The following MS4A14 variants were observed in gnomAD, a reference collection of about 807,000 sequenced individuals.
The protein encoded by MS4A14 is membrane spanning 4-domains A14.
A neutral mutation model predicts 16.7 loss-of-function variants in MS4A14; 18 were observed. That is an observed-to-expected ratio of 1.08 (90% confidence interval 0.75 to 1.60). The LOEUF (loss-of-function observed/expected upper bound fraction) is 1.60, where lower values mean the gene tolerates loss of function less well. MS4A14 is among the 40% of genes most tolerant of loss of function. The probability of loss-of-function intolerance (pLI) is 0.00; values close to 1 mark genes in which losing one functional copy is unlikely to be tolerated. For missense variants in MS4A14, 812 were observed against 775.3 expected (o/e 1.05, Z -0.56); for synonymous variants, 305 against 289.4 (o/e 1.05, Z -0.55).
At chr11:60,412,394 C>T (rs570575056) in intron 4 of MS4A14, among the ~76,000 whole-genome samples, 23 of 151,364 alleles carry the variant, frequency 1.5e-4, no homozygotes, top group Admixed American at 9.2e-4. Flanking sequence ...TTTTAGATTA[C>T]GAATCTTTTT....
intron 4 of MS4A14, among the ~76,000 whole-genome samples, chr11:60,410,737 G>A (rs1426012619): frequency 3.3e-5 from 5 of 152,156 alleles, no homozygotes; most frequent in African/African-American, 1.2e-4. Flanking sequence ...GTTGAAAATT[G>A]ATTTACTATA....
chr11:60,412,418 C>T (rs2085881462), intron 4 of MS4A14, among the ~76,000 whole-genome samples: 2 of 151,344 alleles, frequency 1.3e-5, no homozygotes, highest in Non-Finnish European at 3.0e-5. Context: ...TGTTATGGAT[C>T]TGTAAAGATT....
chr11:60,409,192 T>C (rs1379705957), intron 4 of MS4A14, among the ~76,000 whole-genome samples: 1 of 152,186 alleles, frequency 6.6e-6, no homozygotes, highest in Non-Finnish European at 1.5e-5. Flanking sequence ...AAATATACAC[T>C]ACGTTGTAAT....
intron 2 of MS4A14, among the ~76,000 whole-genome samples, chr11:60,400,004 T>C (rs951577353): frequency 2.6e-5 from 4 of 152,086 alleles, no homozygotes; most frequent in African/African-American, 9.7e-5. Flanking sequence ...ACACTAGATA[T>C]CAGTCCCCAT....
chr11:60,397,831 T>C lies in MS4A14; in HGVS notation c.139-21T>C, dbSNP rs1260105362. On this transcript the variant is annotated intron_variant, in intron 1 of 4. Coordinates refer to ENST00000300187, the MANE Select transcript of MS4A14 (RefSeq NM_032597.5). ...GGTCTTGGATACTTGTAACCTCATG[T>C]ACCCATTTCTCTCCTCACAGGCTAC... The C allele has an allele frequency of 2.5e-6, 4 of 1,610,278 alleles. 1 individual carries two copies. In the South Asian group the frequency reaches 3.3e-5, roughly 13 times the overall value.
At chr11:60,403,661 T>G (rs1363751135) in intron 4 of MS4A14, among the ~76,000 whole-genome samples, 1 of 152,218 alleles carries the variant, frequency 6.6e-6, no homozygotes, top group Non-Finnish European at 1.5e-5. Flanking sequence ...GTCTGTGCAA[T>G]TTAAAGTATT....
intron 4 of MS4A14, among the ~76,000 whole-genome samples, chr11:60,407,193 A>AT (rs1055137534): frequency 6.0e-5 from 9 of 150,578 alleles, no homozygotes; most frequent in South Asian, 2.1e-4. Context: ...TTTTTTTTGT[A>AT]TTTTTTTTGT....
chr11:60,415,743 C>T lies in MS4A14; in HGVS notation c.775C>T (p.Pro259Ser). The T allele has an allele frequency of 1.2e-6, 2 of 1,613,782 alleles. No individual in the cohort carries two copies. The highest frequency in any genetic ancestry group is 1.7e-6 in the Non-Finnish European group (2 of 1,179,838). The change falls in exon 5 of 5, where the codon CCC becomes TCC. Residue 259 changes from proline (P) to serine (S), a missense_variant. Transcript: ENST00000300187. ...TTTGCCTCCCACACTAGAGAAAAAG[C>T]CCTCAGAAAATATGTCCATTCAGCT... ...EPLPPTLEKK[P>S]SENMSIQLDS... is the part of the protein sequence containing the mutation.
rs1449495992 is a variant in MS4A14 at position 60,396,469 on chromosome 11, C to G, written c.-110C>G. The G allele has an allele frequency of 8.1e-7, 1 of 1,230,926 alleles. No homozygotes were observed. The highest frequency in any genetic ancestry group is 1.1e-6 in the Non-Finnish European group (1 of 889,662). The allele number at this position is 1,230,926 out of a possible 1,614,324, so 76.3% of individuals were successfully genotyped here. ...ATTCTACTACTGAGTAGAGTCATCA[C>G]TAAGGGCTCATCTCTGAGGGCTCCA... On this transcript the variant is annotated 5_prime_UTR_variant, in exon 1 of 5. Transcript: ENST00000300187.
chr11:60,411,483 T>C (rs1325111838), intron 4 of MS4A14, among the ~76,000 whole-genome samples: 3 of 152,214 alleles, frequency 2.0e-5, no homozygotes, highest in Non-Finnish European at 4.4e-5. Context: ...TTTCATCCCA[T>C]TGGTTAGATT....
intron 4 of MS4A14, chr11:60,403,273 C>A (rs1185968536): frequency 5.5e-6 from 3 of 541,954 alleles, no homozygotes; most frequent in Non-Finnish European, 9.9e-6. Context: ...GTCACCTTGG[C>A]CTAATATTGT....
chr11:60,406,351 C>A (rs1231912698), intron 4 of MS4A14, among the ~76,000 whole-genome samples: 3 of 151,970 alleles, frequency 2.0e-5, no homozygotes, highest in African/African-American at 7.3e-5. Flanking sequence ...TCCACCACCA[C>A]AAAAGAAATA....
chr11:60,415,560 C>T lies in MS4A14; in HGVS notation c.592C>T (p.Gln198Ter), dbSNP rs2085926131. ...FSSDDSTTNAQSVIFGGYAFF... is the reference protein window; with the variant it reads ...FSSDDSTTNA ...CAGTGATGATTCAACAACAAATGCA[C>T]AATCTGTTATCTTTGGAGGCTATGC... The change falls in exon 5 of 5, where the codon CAA becomes TAA. Residue 198 changes from glutamine (Q) to a stop codon, truncating the protein, a stop_gained. Transcript: ENST00000300187. LOFTEE classifies it low-confidence loss of function (END_TRUNC). The T allele has an allele frequency of 6.2e-7, 1 of 1,613,778 alleles. No homozygotes were observed. The highest frequency in any genetic ancestry group is 8.5e-7 in the Non-Finnish European group (1 of 1,179,796).
At chr11:60,414,557 T>A (rs891303255) in intron 4 of MS4A14, among the ~76,000 whole-genome samples, 2 of 152,042 alleles carry the variant, frequency 1.3e-5, no homozygotes, top group Admixed American at 6.6e-5. Flanking sequence ...AGTAACAACC[T>A]CCTAAAAATT....
intron 2 of MS4A14, among the ~76,000 whole-genome samples, chr11:60,399,770 G>C (rs138613555): frequency 8.3e-4 from 126 of 152,262 alleles, no homozygotes; most frequent in African/African-American, 3.0e-3. Flanking sequence ...GAGTGAAGCG[G>C]AGGGAGGTAT....
At chr11:60,404,999 A>G (rs1590811722) in intron 4 of MS4A14, among the ~76,000 whole-genome samples, 1 of 152,314 alleles carries the variant, frequency 6.6e-6, no homozygotes, top group African/African-American at 2.4e-5. Flanking sequence ...TTGAATATTT[A>G]AGATTTTGGG....
rs940422649 is a variant in MS4A14 at position 60,396,712 on chromosome 11, T to A, written c.134T>A (p.Leu45Ter). The change falls in exon 1 of 5, where the codon TTG becomes TAG. Residue 45 changes from leucine to a stop codon, truncating the protein, a stop_gained. Transcript: ENST00000300187. LOFTEE classifies it high-confidence loss of function. ...TTTCTGAAGGGAGAGCCAAGAGTCT[T>A]GGGGGTAAGTCCTCTCCAGTCAATA... ...LDFLKGEPRV[L>*]GATQILLALI... The A allele has an allele frequency of 6.2e-7, 1 of 1,613,482 alleles. No individual in the cohort carries two copies. Among genetic ancestry groups the A allele is most frequent in the Non-Finnish European group, 8.5e-7 (1 of 1,179,726 alleles).
intron 4 of MS4A14, among the ~76,000 whole-genome samples, chr11:60,411,628 T>C (rs1394490212): frequency 6.6e-6 from 1 of 152,210 alleles, no homozygotes; most frequent in East Asian, 1.9e-4. Flanking sequence ...TCTTGAACCT[T>C]GTTGCAATCC....
At chr11:60,400,496 GT>G in intron 3 of MS4A14, 42 bp downstream of exon 3, 1 of 1,388,742 alleles carries the variant, frequency 7.2e-7, no homozygotes. Context: ...TCTTCTATTT[GT>G]TTTATATCAT....
Sources: gnomAD v4.1 joint callset for allele counts (sites outside exome capture counted in the v4.1 genomes callset) on GRCh38, gnomAD v4.1.1 for gene constraint, MANE v1.5 for transcripts, NCBI Gene and HGNC (gene_info 2026-07-23, HGNC 2026-07-21) for gene names.